The following STK32B variants were observed in gnomAD, a reference collection of about 807,000 sequenced individuals.
STK32B encodes the protein serine/threonine-protein kinase 32B.
Under a neutral mutation model 52.6 loss-of-function variants are expected in STK32B, and 43 were observed. That is an observed-to-expected ratio of 0.82 (90% CI 0.64 to 1.05). STK32B has a LOEUF of 1.05. Ranked by LOEUF, STK32B falls within the 50% of genes least tolerant of loss-of-function variation. The pLI is 0.00. For synonymous variants in STK32B, 238 were observed against 204.3 expected (o/e 1.17, Z -1.41); for missense variants, 621 against 534.6 (o/e 1.16, Z -1.59).
chr4:5,393,348 G>A (rs1237065846), intron 4 of STK32B, among the ~76,000 whole-genome samples: 1 of 152,214 alleles, frequency 6.6e-6, no homozygotes, highest in Non-Finnish European at 1.5e-5. Context: ...GTAGCCATTA[G>A]AGAGGGCATT....
At chr4:5,332,633 C>T (rs1244762093) in intron 4 of STK32B, among the ~76,000 whole-genome samples, 1 of 152,078 alleles carries the variant, frequency 6.6e-6, no homozygotes, top group Non-Finnish European at 1.5e-5. Context: ...TCTCCTAATG[C>T]TATCCCTCCC....
At chr4:5,316,891 TTATATATAATATATAATATATATG>T (rs1730918625) in intron 3 of STK32B, among the ~76,000 whole-genome samples, 1 of 7,034 alleles carries the variant, frequency 1.4e-4, no homozygotes, top group Non-Finnish European at 2.0e-4. Flanking sequence ...ATTATATATA[TTATATATAATATATAATATATATG>T]ATATAATATA....
chr4:5,032,795 C>G, the STK32B span, among the ~76,000 whole-genome samples: 2 of 152,284 alleles, frequency 1.3e-5, no homozygotes, highest in African/African-American at 4.8e-5. Context: ...TAACTCCCCA[C>G]TCCTCGCTCC....
the STK32B span, among the ~76,000 whole-genome samples, chr4:5,042,125 A>G: frequency 1.3e-5 from 2 of 152,248 alleles, no homozygotes; most frequent in Non-Finnish European, 2.9e-5. Context: ...AGCAGCCACA[A>G]GACTCTACTC....
At chr4:5,246,405 C>T (rs750264725) in intron 3 of STK32B, among the ~76,000 whole-genome samples, 8 of 152,150 alleles carry the variant, frequency 5.3e-5, no homozygotes, top group Non-Finnish European at 1.2e-4. Flanking sequence ...AGTTCTTGTG[C>T]CTTGGTTTTC....
intron 1 of STK32B, among the ~76,000 whole-genome samples, chr4:5,117,258 A>AT (rs1387869354): frequency 6.6e-6 from 1 of 152,204 alleles, no homozygotes. Context: ...ATCATTGGGT[A>AT]TGATGTAAGC....
At chr4:5,494,110 C>G (rs1345730274) in intron 11 of STK32B, among the ~76,000 whole-genome samples, 1 of 152,092 alleles carries the variant, frequency 6.6e-6, no homozygotes, top group Non-Finnish European at 1.5e-5. Context: ...TGGTGCAGAG[C>G]TGAGTTCAAT....
chr4:5,118,978 C>G (rs1396263300), intron 1 of STK32B, among the ~76,000 whole-genome samples: 1 of 152,210 alleles, frequency 6.6e-6, no homozygotes, highest in African/African-American at 2.4e-5. Flanking sequence ...CACCCAGGAG[C>G]CTTTTTGGAC....
chr4:5,209,817 C>G (rs1722798063), intron 3 of STK32B, among the ~76,000 whole-genome samples: 1 of 152,116 alleles, frequency 6.6e-6, no homozygotes, highest in Non-Finnish European at 1.5e-5. Context: ...AGGTTGGATA[C>G]TTTAACAACC....
intron 11 of STK32B, among the ~76,000 whole-genome samples, chr4:5,481,334 A>T (rs1244583277): frequency 1.3e-5 from 2 of 152,116 alleles, no homozygotes; most frequent in Non-Finnish European, 2.9e-5. Context: ...TGATGGCCAG[A>T]GCTGATGAGC....
At chr4:5,079,663 C>T (rs1223236961) in intron 1 of STK32B, among the ~76,000 whole-genome samples, 1 of 152,040 alleles carries the variant, frequency 6.6e-6, no homozygotes, top group Middle Eastern at 3.2e-3. Context: ...TGGGGTCATC[C>T]TTGATGCTTT....
At chr4:5,129,776 A>G (rs1560166618) in intron 1 of STK32B, among the ~76,000 whole-genome samples, 1 of 152,194 alleles carries the variant, frequency 6.6e-6, no homozygotes, top group Admixed American at 6.5e-5. Context: ...TCCTGAAGAT[A>G]TCCTTAACTC....
At chr4:5,326,278 G>T (rs1309659142) in intron 3 of STK32B, among the ~76,000 whole-genome samples, 1 of 152,140 alleles carries the variant, frequency 6.6e-6, no homozygotes, top group African/African-American at 2.4e-5. Flanking sequence ...TTTGATTCCT[G>T]TGTTTTCTTT....
chr4:5,406,233 G>A (rs1475250602), intron 5 of STK32B, among the ~76,000 whole-genome samples: 1 of 152,196 alleles, frequency 6.6e-6, no homozygotes, highest in African/African-American at 2.4e-5. Flanking sequence ...GATGCAAGGG[G>A]TGGGTTCCCA....
chr4:5,252,640 T>C (rs186319959), intron 3 of STK32B, among the ~76,000 whole-genome samples: 28 of 152,346 alleles, frequency 1.8e-4, no homozygotes, highest in African/African-American at 6.7e-4. Context: ...TCATTGTCAC[T>C]TATTCACTTT....
chr4:5,441,047 G>A (rs1360624714), intron 6 of STK32B, among the ~76,000 whole-genome samples: 3 of 150,078 alleles, frequency 2.0e-5, no homozygotes, highest in Non-Finnish European at 4.5e-5. Flanking sequence ...GTTCATCAAG[G>A]ATATTGGTCT....
At chr4:5,262,043 A>T (rs1726744499) in intron 3 of STK32B, among the ~76,000 whole-genome samples, 1 of 152,182 alleles carries the variant, frequency 6.6e-6, no homozygotes, top group Admixed American at 6.5e-5. Context: ...ATTGCCTCTA[A>T]CAAATTGCTG....
intron 3 of STK32B, among the ~76,000 whole-genome samples, chr4:5,274,022 C>T (rs897825233): frequency 6.6e-6 from 1 of 151,380 alleles, no homozygotes; most frequent in Non-Finnish European, 1.5e-5. Flanking sequence ...ACAAAACAAA[C>T]AAAAAAAAGA....
At chr4:5,473,132 C>G (rs1036206571) in intron 11 of STK32B, among the ~76,000 whole-genome samples, 1 of 152,214 alleles carries the variant, frequency 6.6e-6, no homozygotes, top group Non-Finnish European at 1.5e-5. Flanking sequence ...AACTTGAACT[C>G]TAATCTCCCG....
Sources: gnomAD v4.1 joint callset for allele counts (sites outside exome capture counted in the v4.1 genomes callset) on GRCh38, gnomAD v4.1.1 for gene constraint, MANE v1.5 for transcripts, NCBI Gene and HGNC (gene_info 2026-07-23, HGNC 2026-07-21) for gene names.